The following UTRN variants were observed in gnomAD, a reference collection of about 807,000 sequenced individuals.
The protein encoded by UTRN is utrophin.
In UTRN, 283 loss-of-function variants were observed where a neutral mutation model predicts 463.9. That is an observed-to-expected ratio of 0.61 (90% CI 0.55 to 0.67). The LOEUF (loss-of-function observed/expected upper bound fraction) is 0.67. Ranked by LOEUF, UTRN falls within the 30% of genes least tolerant of loss-of-function variation. The probability of loss-of-function intolerance (pLI) is 0.00; values close to 1 mark genes in which losing one functional copy is unlikely to be tolerated. For synonymous variants in UTRN, 1,442 were observed against 1,431.5 expected (o/e 1.01, Z -0.17); for missense variants, 3,922 against 4,084.3 (o/e 0.96, Z 1.08).
rs774866929 is a variant in UTRN, at chr6:144,523,049, C to A, written c.5767C>A (p.Gln1923Lys). The A allele has an allele frequency of 1.9e-6, 3 of 1,610,706 alleles. No individual in the cohort carries two copies. Among genetic ancestry groups the A allele is most frequent in the East Asian group, 2.2e-5 (1 of 44,784 alleles). The change falls in exon 41 of 75, where the codon CAG becomes AAG. Residue 1923 changes from glutamine to lysine, a missense_variant. Gln to Lys is a moderately conservative substitution (Grantham distance 53). Transcript: ENST00000367545. ...AGACCAACTGGACAAACTTGGAGAG[C>A]AGATTGCAGTCATTCATGAAAAACA... ...IKDQLDKLGEQIAVIHEKQPD... is the reference protein window; with the variant it reads ...IKDQLDKLGEKIAVIHEKQPD...
At chr6:144,841,132 C>T (rs1465495472) in intron 73 of UTRN, among the ~76,000 whole-genome samples, 1 of 152,148 alleles carries the variant, frequency 6.6e-6, no homozygotes, top group Non-Finnish European at 1.5e-5. Context: ...AAATTATCCT[C>T]TTCGATGCAA....
At chr6:144,848,994 A>T (rs1782257391) in intron 74 of UTRN, among the ~76,000 whole-genome samples, 1 of 152,034 alleles carries the variant, frequency 6.6e-6, no homozygotes, top group East Asian at 1.9e-4. Flanking sequence ...GCAGTGTATG[A>T]GGAATGGGGG....
chr6:144,497,847 T>C (rs963539916), intron 33 of UTRN, among the ~76,000 whole-genome samples: 2 of 152,234 alleles, frequency 1.3e-5, no homozygotes, highest in Non-Finnish European at 2.9e-5. Context: ...ATGAGTCATC[T>C]GCATAGAGGT....
At chr6:144,705,438 G>A (rs1418264158) in intron 53 of UTRN, among the ~76,000 whole-genome samples, 6 of 152,156 alleles carry the variant, frequency 3.9e-5, no homozygotes, top group African/African-American at 7.2e-5. Flanking sequence ...TTCTGAAGGC[G>A]GAGAAGTTCA....
intron 60 of UTRN, 72 bp downstream of exon 60, chr6:144,774,436 A>G: frequency 7.3e-7 from 1 of 1,367,294 alleles, no homozygotes; most frequent in East Asian, 2.4e-5. Context: ...GAGGAAGATA[A>G]ATGAAGAGGA....
intron 51 of UTRN, among the ~76,000 whole-genome samples, chr6:144,622,445 C>T (rs1449683239): frequency 2.1e-4 from 32 of 152,008 alleles, no homozygotes; most frequent in Non-Finnish European, 5.9e-5. Flanking sequence ...CCTTGGCCTC[C>T]TGAAGTGCTG....
At chr6:144,630,876 A>C (rs2128654317) in intron 51 of UTRN, among the ~76,000 whole-genome samples, 1 of 152,112 alleles carries the variant, frequency 6.6e-6, no homozygotes, top group Non-Finnish European at 1.5e-5. Context: ...TTTCACAATA[A>C]CCACCCCAAG....
intron 59 of UTRN, 48 bp downstream of exon 59, chr6:144,772,016 GTTTTTTTTTTTTT>G (rs748399313): frequency 9.4e-4 from 120 of 127,562 alleles, no homozygotes; most frequent in South Asian, 3.6e-3. Flanking sequence ...CTGAGAACCG[GTTTTTTTTTTTTT>G]TTTTTTTTTT....
intron 2 of UTRN, among the ~76,000 whole-genome samples, chr6:144,324,316 T>C (rs1034867612): frequency 6.6e-6 from 1 of 152,226 alleles, no homozygotes; most frequent in African/African-American, 2.4e-5. Context: ...AAAAAGCAAC[T>C]GTAATTTGGC....
intron 58 of UTRN, among the ~76,000 whole-genome samples, chr6:144,766,230 G>A (rs529308692): frequency 3.9e-5 from 6 of 152,112 alleles, no homozygotes; most frequent in African/African-American, 1.4e-4. Flanking sequence ...GTGAAACAAG[G>A]ACTGAAAAGA....
rs750769130 is a variant in UTRN, at chr6:144,488,656, A to G, written c.3973-17A>G. 2.3e-5 allele frequency: 37 copies of G among 1,606,836 alleles called. No individual in the cohort carries two copies. Among genetic ancestry groups the G allele is most frequent in the Non-Finnish European group, 3.0e-5 (35 of 1,175,842 alleles). On this transcript the variant is annotated splice_polypyrimidine_tract_variant and intron_variant, in intron 29 of 74. Coordinates refer to ENST00000367545, the MANE Select transcript of UTRN (RefSeq NM_007124.3). Reference sequence around the variant, plus strand: ...TTTGTGTTGGGCAACTAATGATTCAATTTCTCCTTTGTGCAGGCAGAGAGC... The same window carrying G: ...TTTGTGTTGGGCAACTAATGATTCAGTTTCTCCTTTGTGCAGGCAGAGAGC...
intron 27 of UTRN, 55 bp downstream of exon 27, chr6:144,482,443 T>TATTATTATTATTA: frequency 8.9e-7 from 1 of 1,124,934 alleles, no homozygotes; most frequent in African/African-American, 1.7e-5. Flanking sequence ...TTATTATTAT[T>TATTATTATTATTA]TTCAGTGATG....
chr6:144,761,633 G>A (rs1296957940), intron 58 of UTRN, among the ~76,000 whole-genome samples: 3 of 151,918 alleles, frequency 2.0e-5, no homozygotes, highest in Non-Finnish European at 1.5e-5. Context: ...GCAACAGAGT[G>A]AAACTCTGTC....
intron 2 of UTRN, among the ~76,000 whole-genome samples, chr6:144,320,016 G>A (rs1775535282): frequency 2.0e-5 from 3 of 152,044 alleles, no homozygotes; most frequent in Admixed American, 2.0e-4. Flanking sequence ...ACCACGCCCG[G>A]CTAGTTTTTG....
chr6:144,458,701 T>C, intron 19 of UTRN, 69 bp from the exon 20 acceptor site: 1 of 1,492,152 alleles, frequency 6.7e-7, no homozygotes, highest in Non-Finnish European at 8.9e-7. Context: ...AGTGTTAGAA[T>C]GTTCAGAATA....
chr6:144,344,115 A>G, intron 2 of UTRN: 1 of 1,169,138 alleles, frequency 8.6e-7, no homozygotes, highest in South Asian at 1.6e-5. Context: ...AAAAAACCCA[A>G]AATAACACAG....
In UTRN at chr6:144,846,814, C is replaced by T. The variant is rs1419228524; in HGVS notation, c.10280C>T (p.Pro3427Leu). Residue 3427 changes from proline (P) to leucine (L), a missense_variant, in exon 74 of 75, where the codon CCC becomes CTC. Physicochemically the swap from Pro to Leu is moderately conservative, Grantham distance 98. Coordinates refer to ENST00000367545, the MANE Select transcript of UTRN (RefSeq NM_007124.3). ...STFPSCCPNV[P>L]SRPQAM The stretch of plus-strand genomic sequence containing the variant: ...TTGTTTTCTCTTTCAGCAAATGTTC[C>T]CAGCAGGCCACAGGTAAGAGTTAAT... 1.2e-6 allele frequency: 2 copies of T among 1,613,894 alleles called. No homozygotes were observed. Among genetic ancestry groups the T allele is most frequent in the Non-Finnish European group, 1.7e-6 (2 of 1,179,944 alleles).
At chr6:144,464,725 C>G (rs371590385) in intron 23 of UTRN, among the ~76,000 whole-genome samples, 1 of 152,094 alleles carries the variant, frequency 6.6e-6, no homozygotes, top group Non-Finnish European at 1.5e-5. Context: ...GTCTCAAACT[C>G]CTGACCTCAG....
At chr6:144,502,161 C>T (rs1359125836) in intron 34 of UTRN, among the ~76,000 whole-genome samples, 3 of 151,002 alleles carry the variant, frequency 2.0e-5, no homozygotes, top group Non-Finnish European at 4.4e-5. Context: ...GAACAAAATC[C>T]ATCTTTTTCT....
Sources: gnomAD v4.1 joint callset for allele counts (sites outside exome capture counted in the v4.1 genomes callset) on GRCh38, gnomAD v4.1.1 for gene constraint, MANE v1.5 for transcripts, NCBI Gene and HGNC (gene_info 2026-07-23, HGNC 2026-07-21) for gene names.